Variants in SGMS1 observed in about 807,000 individuals in gnomAD.
SGMS1 encodes the protein phosphatidylcholine:ceramide cholinephosphotransferase 1.
SGMS1 carries 13 observed loss-of-function variants against 46.2 expected under a neutral mutation model. The ratio of observed to expected loss-of-function variants is 0.28; its 90% CI spans 0.18 to 0.45. The LOEUF (loss-of-function observed/expected upper bound fraction) is 0.45. SGMS1 is among the 20% of genes least tolerant of loss of function. The pLI is 1.00. For synonymous variants in SGMS1, 203 were observed against 187.8 expected (o/e 1.08, Z -0.66); for missense variants, 324 against 519.9 (o/e 0.62, Z 3.66).
intron 1 of SGMS1, among the ~76,000 whole-genome samples, chr10:50,612,102 C>T: frequency 6.6e-6 from 1 of 152,246 alleles, no homozygotes; most frequent in East Asian, 1.9e-4. Context: ...TCTCTACCAT[C>T]CTGCCCCAGG....
chr10:50,580,431 C>G (rs548514360), intron 2 of SGMS1, among the ~76,000 whole-genome samples: 10 of 151,646 alleles, frequency 6.6e-5, no homozygotes, highest in South Asian at 2.1e-4. Context: ...GGGACCCCCC[C>G]CCAAACCCCT....
intron 6 of SGMS1, among the ~76,000 whole-genome samples, chr10:50,345,590 G>C (rs1279793493): frequency 6.6e-6 from 1 of 152,144 alleles, no homozygotes; most frequent in Non-Finnish European, 1.5e-5. Flanking sequence ...ACATATAACT[G>C]TAACTATGGC....
intron 2 of SGMS1, among the ~76,000 whole-genome samples, chr10:50,532,389 T>G (rs1459164758): frequency 6.6e-6 from 1 of 152,166 alleles, no homozygotes; most frequent in African/African-American, 2.4e-5. Flanking sequence ...AATAATTATC[T>G]TACTTGTTTG....
chr10:50,461,290 AC>A (rs1588839941), intron 4 of SGMS1, among the ~76,000 whole-genome samples: 1 of 152,150 alleles, frequency 6.6e-6, no homozygotes, highest in Admixed American at 6.5e-5. Context: ...CCAAAACATT[AC>A]CCTCATAAGT....
intron 5 of SGMS1, among the ~76,000 whole-genome samples, chr10:50,439,897 G>A (rs529146500): frequency 8.5e-5 from 13 of 152,072 alleles, no homozygotes; most frequent in Non-Finnish European, 1.8e-4. Flanking sequence ...TAAATTCGTC[G>A]ATTCATTCAA....
intron 6 of SGMS1, among the ~76,000 whole-genome samples, chr10:50,361,004 T>C (rs531743703): frequency 9.9e-5 from 15 of 152,190 alleles, no homozygotes; most frequent in Non-Finnish European, 1.9e-4. Flanking sequence ...ATACCCACAG[T>C]GCCCAGCTTA....
At chr10:50,426,023 A>T (rs1360776735) in intron 6 of SGMS1, among the ~76,000 whole-genome samples, 1 of 152,208 alleles carries the variant, frequency 6.6e-6, no homozygotes, top group East Asian at 1.9e-4. Context: ...CATCACCAGG[A>T]TATTAATTAA....
rs375710554 is a variant in SGMS1, at chr10:50,545,403, AAAAGG to A, written c.-588-25487_-588-25483del. 2.0e-4 allele frequency among the ~76,000 whole-genome samples: 31 copies of A among 152,266 alleles called. No individual in the cohort carries two copies. The East Asian group carries it at 5.6e-3, about 27-fold the overall frequency. On this transcript the variant is annotated intron_variant, in intron 2 of 10. Transcript: ENST00000361781. ...AGTTCCCAACAACAGTACAGGTCTG[AAAAGG>A]AAAGGGTTTTGTTGTTGTTGCTGTT... is the stretch of plus-strand genomic sequence containing the variant.
intron 2 of SGMS1, among the ~76,000 whole-genome samples, chr10:50,587,999 C>T (rs1024507188): frequency 7.2e-5 from 11 of 152,082 alleles, no homozygotes; most frequent in African/African-American, 2.4e-4. Context: ...TGGTCTAGGA[C>T]TAGACAGGAC....
At chr10:50,415,573 A>C (rs1849158765) in intron 6 of SGMS1, among the ~76,000 whole-genome samples, 1 of 152,156 alleles carries the variant, frequency 6.6e-6, no homozygotes, top group Non-Finnish European at 1.5e-5. Context: ...TAGATGGTGC[A>C]GGTGATGATG....
chr10:50,345,126 TAA>T (rs11395568), intron 6 of SGMS1, among the ~76,000 whole-genome samples: 1 of 148,900 alleles, frequency 6.7e-6, no homozygotes. Context: ...TTATATTCTT[TAA>T]AAAAAAAAAA....
intron 1 of SGMS1, among the ~76,000 whole-genome samples, chr10:50,605,508 C>A (rs528241795): frequency 3.3e-5 from 5 of 152,160 alleles, no homozygotes; most frequent in Non-Finnish European, 2.9e-5. Flanking sequence ...ATGAAAACAC[C>A]GGCTGTTTTC....
chr10:50,530,365 G>A (rs1465629976), intron 2 of SGMS1, among the ~76,000 whole-genome samples: 2 of 152,106 alleles, frequency 1.3e-5, no homozygotes, highest in Non-Finnish European at 2.9e-5. Context: ...CTGTCAGTGT[G>A]ACTGAACATT....
intron 1 of SGMS1, among the ~76,000 whole-genome samples, chr10:50,607,538 T>C (rs1310281739): frequency 6.6e-6 from 1 of 152,118 alleles, no homozygotes; most frequent in Admixed American, 6.6e-5. Flanking sequence ...CCAAAACAGC[T>C]CTGTTATCTT....
chr10:50,599,776 T>C (rs1838632118), intron 1 of SGMS1, among the ~76,000 whole-genome samples: 2 of 152,148 alleles, frequency 1.3e-5, no homozygotes, highest in Admixed American at 6.5e-5. Context: ...GGCAAGAGAA[T>C]TGCTTGAACC....
At chr10:50,313,749 C>A (rs373235859) in intron 8 of SGMS1, among the ~76,000 whole-genome samples, 1 of 152,136 alleles carries the variant, frequency 6.6e-6, no homozygotes, top group African/African-American at 2.4e-5. Context: ...CATACTTTGT[C>A]CTCTCATTTG....
chr10:50,610,190 A>C (rs2131927224), intron 1 of SGMS1, among the ~76,000 whole-genome samples: 1 of 152,198 alleles, frequency 6.6e-6, no homozygotes, highest in East Asian at 1.9e-4. Context: ...GCCGCACAGA[A>C]CTACAACAAG....
intron 6 of SGMS1, among the ~76,000 whole-genome samples, chr10:50,377,993 C>T (rs186652410): frequency 6.6e-6 from 1 of 152,282 alleles, no homozygotes; most frequent in Non-Finnish European, 1.5e-5. Context: ...TCTCAAGAGC[C>T]TTAATCACAT....
At chr10:50,371,468 C>T (rs1472154162) in intron 6 of SGMS1, among the ~76,000 whole-genome samples, 1 of 152,194 alleles carries the variant, frequency 6.6e-6, no homozygotes, top group Non-Finnish European at 1.5e-5. Flanking sequence ...TCCCACTGTT[C>T]TTAAAATAAA....
Sources: allele counts gnomAD v4.1 joint callset (sites outside exome capture counted in the v4.1 genomes callset), GRCh38; gene constraint gnomAD v4.1.1; transcripts MANE v1.5; gene names NCBI Gene and HGNC (gene_info 2026-07-23, HGNC 2026-07-21).